The following CCDC7 variants were observed in gnomAD, a reference collection of about 807,000 sequenced individuals.
The protein encoded by CCDC7 is coiled-coil domain containing 7, also known as coiled-coil domain-containing protein 7.
CCDC7 carries 183 observed loss-of-function variants against 196.9 expected under a neutral mutation model. That is an observed-to-expected ratio of 0.93 (90% CI 0.82 to 1.05). CCDC7 has a LOEUF of 1.05. Among genes scored for constraint, CCDC7 ranks in the 50% least tolerant of loss-of-function variants. The probability of loss-of-function intolerance (pLI) is 0.00; values close to 1 mark genes in which losing one functional copy is unlikely to be tolerated. For synonymous variants in CCDC7, 525 were observed against 484.6 expected, an observed-to-expected ratio of 1.08 and a Z score of -1.10; for missense variants, 1,540 against 1,482.2, an observed-to-expected ratio of 1.04 and a Z score of -0.64.
At chr10:32,732,841 T>C (rs1053703163) in intron 28 of CCDC7, among the ~76,000 whole-genome samples, 4 of 152,150 alleles carry the variant, frequency 2.6e-5, no homozygotes, top group African/African-American at 9.6e-5. Context: ...AGCATCTTTT[T>C]AATATTAGTA....
At chr10:32,659,952 A>G (rs532440650) in intron 20 of CCDC7, among the ~76,000 whole-genome samples, 1 of 152,278 alleles carries the variant, frequency 6.6e-6, no homozygotes, top group East Asian at 1.9e-4. Context: ...AATAGCATTT[A>G]GCCCAGCAAT....
intron 7 of CCDC7, 37 bp downstream of exon 8, chr10:32,472,579 T>G (rs758949994): frequency 2.1e-6 from 3 of 1,452,890 alleles, no homozygotes; most frequent in Admixed American, 2.5e-5. Context: ...CTTAAAAATT[T>G]TATTAAAAAT....
intron 20 of CCDC7, among the ~76,000 whole-genome samples, chr10:32,646,095 G>A (rs953868715): frequency 2.9e-5 from 4 of 138,392 alleles, no homozygotes; most frequent in Non-Finnish European, 6.3e-5. Flanking sequence ...TTTTTTTTTA[G>A]TTCTTTGAGG....
chr10:32,640,572 G>T (rs940206451), intron 20 of CCDC7, among the ~76,000 whole-genome samples: 1 of 152,088 alleles, frequency 6.6e-6, no homozygotes, highest in African/African-American at 2.4e-5. Flanking sequence ...TGGTTATTTT[G>T]CTCGTTAGTT....
intron 16 of CCDC7, among the ~76,000 whole-genome samples, chr10:32,572,165 T>G (rs2057653287): frequency 1.3e-5 from 2 of 152,110 alleles, no homozygotes; most frequent in Admixed American, 1.3e-4. Flanking sequence ...AATTTCCAGA[T>G]AGTGAGGAAC....
At chr10:32,787,057 A>G (rs916641006) in intron 29 of CCDC7, among the ~76,000 whole-genome samples, 1 of 152,166 alleles carries the variant, frequency 6.6e-6, no homozygotes, top group Non-Finnish European at 1.5e-5. Flanking sequence ...AAGGGAAGGG[A>G]CCTGTGGGAC....
chr10:32,515,476 T>G (rs2046867184), intron 9 of CCDC7, among the ~76,000 whole-genome samples: 1 of 152,214 alleles, frequency 6.6e-6, no homozygotes, highest in Non-Finnish European at 1.5e-5. Flanking sequence ...AAGAAAAGTC[T>G]TTTTAATAAA....
intron 29 of CCDC7, among the ~76,000 whole-genome samples, chr10:32,780,886 A>C (rs1280081147): frequency 2.6e-5 from 4 of 152,178 alleles, no homozygotes; most frequent in Admixed American, 6.5e-5. Context: ...TGCTTACAAA[A>C]GATGCACTTT....
chr10:32,786,323 T>G (rs2081870008), intron 29 of CCDC7, among the ~76,000 whole-genome samples: 1 of 152,026 alleles, frequency 6.6e-6, no homozygotes, highest in Admixed American at 6.5e-5. Context: ...CCTTTTAATA[T>G]CCAAATGAAC....
intron 29 of CCDC7, among the ~76,000 whole-genome samples, chr10:32,790,985 G>A (rs1263237120): frequency 6.6e-6 from 1 of 152,152 alleles, no homozygotes; most frequent in Non-Finnish European, 1.5e-5. Context: ...GGATTTCTCA[G>A]CTAAGTTTCA....
At chr10:32,756,365 G>A (rs145744816) in intron 28 of CCDC7, among the ~76,000 whole-genome samples, 2,061 of 152,312 alleles carry the variant, frequency 0.014, 29 homozygotes, top group Middle Eastern at 0.027. Context: ...GAGAAAGGTC[G>A]CGTTACCCAC....
chr10:32,464,877 CCTT>C (rs1253922377), intron 5 of CCDC7, among the ~76,000 whole-genome samples: 5 of 152,192 alleles, frequency 3.3e-5, no homozygotes, highest in Non-Finnish European at 1.5e-5. Context: ...TTCAATTTAT[CCTT>C]CTTTTCAGTT....
intron 6 of CCDC7, among the ~76,000 whole-genome samples, chr10:32,471,995 T>C (rs1050176819): frequency 3.3e-5 from 5 of 152,194 alleles, no homozygotes; most frequent in African/African-American, 1.2e-4. Context: ...AACTACTTTA[T>C]GAGAAAGGTA....
chr10:32,642,846 G>A (rs1278566099), intron 20 of CCDC7, among the ~76,000 whole-genome samples: 1 of 152,148 alleles, frequency 6.6e-6, no homozygotes, highest in Non-Finnish European at 1.5e-5. Context: ...GTATCCTAGA[G>A]TATGGATGAT....
intron 13 of CCDC7, among the ~76,000 whole-genome samples, chr10:32,563,470 G>C (rs1021500050): frequency 2.6e-5 from 4 of 152,152 alleles, no homozygotes; most frequent in Admixed American, 6.5e-5. Context: ...CAATGGAACA[G>C]AACAGAGTCC....
In CCDC7 at chr10:32,598,257, C is replaced by A. The variant is rs532436676; in HGVS notation, c.1801+13953C>A. Among the ~76,000 whole-genome samples the A allele has an allele frequency of 5.3e-5, 8 of 152,276 alleles. No individual in the cohort carries two copies. In the South Asian group the frequency reaches 1.5e-3, roughly 28 times the overall value. Reference sequence around the variant, plus strand: ...CGCCTTGCAGTTTGATCTCAGACTGCTGTGCTAGCAATGAGTGAGGCTCTA... The same window carrying A: ...CGCCTTGCAGTTTGATCTCAGACTGATGTGCTAGCAATGAGTGAGGCTCTA... On this transcript the variant is annotated intron_variant, in intron 18 of 41. Transcript: ENST00000639629.
chr10:32,865,679 C>T (rs2094177377), intron 41 of CCDC7, among the ~76,000 whole-genome samples: 1 of 151,764 alleles, frequency 6.6e-6, no homozygotes, highest in Non-Finnish European at 1.5e-5. Flanking sequence ...ATTGTCAAAA[C>T]TCACCTGTTA....
chr10:32,857,098 G>A (rs2093782731), intron 41 of CCDC7, among the ~76,000 whole-genome samples: 2 of 151,890 alleles, frequency 1.3e-5, no homozygotes, highest in South Asian at 2.1e-4. Context: ...ACTACTATGG[G>A]GTAACTAGAA....
chr10:32,677,646 T>G lies in CCDC7; in HGVS notation c.2123-8324T>G, dbSNP rs193070797. The stretch of plus-strand genomic sequence containing the variant: ...CATTTTTTTCTTTCCATTTTCAAAA[T>G]TTTCTTTGAGTTTTGACAATTTAAT... On this transcript the variant is annotated intron_variant, in intron 21 of 41. Coordinates refer to ENST00000639629, the Ensembl canonical transcript of CCDC7. Among the ~76,000 whole-genome samples the G allele has an allele frequency of 3.7e-4, 57 of 152,282 alleles. No homozygotes were observed. In the East Asian group the frequency reaches 9.7e-3, roughly 26 times the overall value.
Sources: allele counts gnomAD v4.1 joint callset (sites outside exome capture counted in the v4.1 genomes callset), GRCh38; gene constraint gnomAD v4.1.1; transcripts MANE v1.5; gene names NCBI Gene and HGNC (gene_info 2026-07-23, HGNC 2026-07-21).